The following CTSV variants were observed in gnomAD, a reference collection of about 807,000 sequenced individuals.
CTSV encodes the protein cathepsin L2.
In CTSV, 33 loss-of-function variants were observed where a neutral mutation model predicts 35.6. The observed-to-expected ratio is 0.93, with a 90% CI of 0.70 to 1.24. CTSV has a LOEUF of 1.24. Ranked by LOEUF, CTSV falls within the 50% of genes most tolerant of loss-of-function variation. CTSV has a pLI of 0.00. For missense variants in CTSV, 408 were observed against 413.1 expected (o/e 0.99, Z 0.11); for synonymous variants, 154 against 147.1 (o/e 1.05, Z -0.34).
At chr9:97,036,487 C>T (rs771851251) in intron 5 of CTSV, 36 bp downstream of exon 5, 3 of 1,482,684 alleles carry the variant, frequency 2.0e-6, no homozygotes, top group Non-Finnish European at 2.8e-6. Context: ...TTTCCAAAAG[C>T]AGAGCACGAA....
rs747387024 is a variant in CTSV, at chr9:97,038,013, A to C, written c.31T>G (p.Cys11Gly). The change falls in exon 2 of 8, where the codon TGC (cysteine) becomes GGC (glycine). Residue 11 changes from cysteine (C) to glycine (G), a missense_variant. Transcript: ENST00000259470. Reference sequence around the variant, plus strand: ...GGAACAGCGGAGGCTATTCCCAAGCAAAAGGCAGCCAGGACGAGCGAAAGA... The same window carrying C: ...GGAACAGCGGAGGCTATTCCCAAGCCAAAGGCAGCCAGGACGAGCGAAAGA... MNLSLVLAAFCLGIASAVPKF... is the reference protein window; with the variant it reads MNLSLVLAAFGLGIASAVPKF... The C allele has an allele frequency of 8.7e-6, 14 of 1,613,980 alleles. No individual in the cohort carries two copies. Among genetic ancestry groups the C allele is most frequent in the Non-Finnish European group, 1.2e-5 (14 of 1,179,882 alleles).
Position 97,036,730 on chromosome 9 carries a change from A to G in CTSV, c.414T>C (p.Cys138=). 2 of 1,609,126 alleles carry G rather than the reference A, an allele frequency of 1.2e-6. No homozygotes were observed. The highest frequency in any genetic ancestry group is 1.7e-4 in the Middle Eastern group (1 of 6,036). The change falls in exon 5 of 8, where the codon TGT becomes TGC. Residue 138 remains cysteine (C), a synonymous_variant. Coordinates refer to ENST00000259470, the MANE Select transcript of CTSV (RefSeq NM_001333.4). ...PVKNQKQCGS[C]WAFSATGALE... is the part of the protein sequence containing the mutation. ...GAGCACCAGTCGCACTAAAAGCCCA[A>G]CAAGAACCACACTGTTTCTAAAAAG...
rs1162274838 is a variant in CTSV at position 97,032,351 on chromosome 9, T to TCA, written c.*596_*597dup. 1 of 152,104 alleles carries TCA rather than the reference T, an allele frequency of 6.6e-6. No individual in the cohort carries two copies. The highest frequency in any genetic ancestry group is 1.5e-5 in the Non-Finnish European group (1 of 68,062). The allele number at this position is 152,104 out of a possible 1,614,324, so 9.4% of individuals were successfully genotyped here. ...AGGCAGAGGTTGCAGTGAGCTGAGA[T>TCA]CACACTACTGCACTCCAGCCTTGGT... On this transcript the variant is annotated 3_prime_UTR_variant, in exon 8 of 8. Transcript: ENST00000259470.
chr9:97,035,566 A>G lies in CTSV; in HGVS notation c.749T>C (p.Met250Thr). The G allele has an allele frequency of 1.3e-6, 2 of 1,586,358 alleles. No homozygotes were observed. Among genetic ancestry groups the G allele is most frequent in the Non-Finnish European group, 1.7e-6 (2 of 1,163,982 alleles). The stretch of plus-strand genomic sequence containing the variant: ...CTGGAAGGACGAATGGCCTGCATCC[A>G]TAGCAACGGAGATGGGCCCCACAGT... ...VATVGPISVA[M>T]DAGHSSFQFY... The change falls in exon 6 of 8, where the codon ATG becomes ACG. Residue 250 changes from methionine to threonine, a missense_variant. Met to Thr is a moderately conservative substitution (Grantham distance 81, BLOSUM62 -1). Transcript: ENST00000259470.
Position 97,029,926 on chromosome 9 carries a change from T to C in CTSV, c.*3023A>G, listed in dbSNP as rs10123754. On this transcript the variant is annotated 3_prime_UTR_variant, in exon 8 of 8. Transcript: ENST00000259470. ...GTACAGTACTCAGCACAGTGATGTGTTGCACAGGTGCGTAGCTTAGGAGCA... is the reference window on the plus strand; with the variant it reads ...GTACAGTACTCAGCACAGTGATGTGCTGCACAGGTGCGTAGCTTAGGAGCA... The C allele has an allele frequency of 0.26, 39,722 of 152,132 alleles. 7,244 individuals carry two copies. The highest frequency in any genetic ancestry group is 0.5 in the African/African-American group (20,611 of 41,478). The allele number at this position is 152,132 out of a possible 1,614,324, so 9.4% of individuals were successfully genotyped here. A position where few individuals can be genotyped will look rare whatever the true frequency, so the allele number is the denominator to read the frequency against.
At chr9:97,034,429 G>A (rs1564074235) in intron 7 of CTSV, among the ~76,000 whole-genome samples, 2 of 152,090 alleles carry the variant, frequency 1.3e-5, no homozygotes, top group Admixed American at 1.3e-4. Flanking sequence ...TGAAAAATTA[G>A]ACAGAAAAAA....
In CTSV at chr9:97,032,686, G is replaced by C. The variant is rs192537216; in HGVS notation, c.*263C>G. On this transcript the variant is annotated 3_prime_UTR_variant, in exon 8 of 8. Coordinates refer to ENST00000259470, the MANE Select transcript of CTSV (RefSeq NM_001333.4). ...TACGAATTAAAATTTATTTCAAACT[G>C]TTTTGTACATCTTTTTAAAAAATGA... 4.9e-3 allele frequency: 1,664 copies of C among 336,964 alleles called. 8 individuals carry two copies. Among genetic ancestry groups the C allele is most frequent in the Non-Finnish European group, 6.7e-3 (1,265 of 188,282 alleles). 20.9% of individuals were successfully genotyped at this position (336,964 alleles called of 1,614,324 possible).
rs779033155 is a variant in CTSV at position 97,037,915 on chromosome 9, A to G, written c.126+3T>C. On this transcript the variant is annotated splice_donor_region_variant and intron_variant, in intron 2 of 7. Transcript: ENST00000259470. ...CCTCTGGACAGTTTCAGATGTTACC[A>G]ACCGCGCCATATAATCTTCTGTGTG... 5 of 1,613,822 alleles carry G rather than the reference A, an allele frequency of 3.1e-6. No homozygotes were observed. The African/African-American group carries it at 5.3e-5, about 17-fold the overall frequency.
intron 7 of CTSV, among the ~76,000 whole-genome samples, chr9:97,034,301 G>A (rs1412907041): frequency 1.3e-5 from 2 of 152,126 alleles, no homozygotes; most frequent in Non-Finnish European, 2.9e-5. Context: ...AGTGAAATTC[G>A]ATGACAGGGC....
chr9:97,037,992 C>G lies in CTSV; in HGVS notation c.52G>C (p.Val18Leu), dbSNP rs535271086. 1 of 1,613,964 alleles carries G rather than the reference C, an allele frequency of 6.2e-7. No homozygotes were observed. Among genetic ancestry groups the G allele is most frequent in the Non-Finnish European group, 8.5e-7 (1 of 1,180,012 alleles). ...AAFCLGIASAVPKFDQNLDTK... is the reference protein window; with the variant it reads ...AAFCLGIASALPKFDQNLDTK... ...TCCAAATTTTGGTCAAATTTTGGAA[C>G]AGCGGAGGCTATTCCCAAGCAAAAG... Residue 18 changes from valine to leucine, a missense_variant, in exon 2 of 8, where the codon GTT becomes CTT. Val to Leu is a conservative substitution (Grantham distance 32). Coordinates refer to ENST00000259470, the MANE Select transcript of CTSV (RefSeq NM_001333.4).
upstream of CTSV, chr9:97,039,428 G>C (rs1180796110): frequency 6.6e-6 from 1 of 152,290 alleles, no homozygotes; most frequent in African/African-American, 2.4e-5. Flanking sequence ...TGCGCTGAGC[G>C]GGTGGTTTAC....
intron 5 of CTSV, among the ~76,000 whole-genome samples, chr9:97,036,073 ATTT>A (rs35372861): frequency 2.1e-5 from 3 of 144,134 alleles, no homozygotes; most frequent in Admixed American, 6.9e-5. Flanking sequence ...AAGGCTAATA[ATTT>A]TTTTTTTTTT....
chr9:97,033,479 C>T (rs916495315), intron 7 of CTSV, among the ~76,000 whole-genome samples: 6 of 150,954 alleles, frequency 4.0e-5, no homozygotes, highest in African/African-American at 1.2e-4. Flanking sequence ...AAAAATTAAC[C>T]GGGCATGTAA....
At position 97,031,743 on chromosome 9, in the gene CTSV, C is replaced by T. The variant is rs1003999298; in HGVS notation, c.*1206G>A. 8 of 152,220 alleles carry T rather than the reference C, an allele frequency of 5.3e-5. No homozygotes were observed. Among genetic ancestry groups the T allele is most frequent in the Non-Finnish European group, 7.3e-5 (5 of 68,046 alleles). The allele number at this position is 152,220 out of a possible 1,614,324, so 9.4% of individuals were successfully genotyped here. A position where few individuals can be genotyped will look rare whatever the true frequency, so the allele number is the denominator to read the frequency against. ...TCACTTGTGATCTCTTATCCATCTT[C>T]GGCCAGAGGCCTCTTTTTGTAGCCC... On this transcript the variant is annotated 3_prime_UTR_variant, in exon 8 of 8. Transcript: ENST00000259470.
intron 4 of CTSV, 86 bp downstream of exon 4, chr9:97,037,166 G>T: frequency 7.1e-7 from 1 of 1,407,782 alleles, no homozygotes; most frequent in Non-Finnish European, 9.7e-7. Context: ...ATCACCATAT[G>T]TTGTGCCACC....
In CTSV at chr9:97,036,732, A is replaced by G. The variant is rs1828858759; in HGVS notation, c.412T>C (p.Cys138Arg). The G allele has an allele frequency of 1.2e-6, 2 of 1,609,266 alleles. No individual in the cohort carries two copies. Among genetic ancestry groups the G allele is most frequent in the South Asian group, 2.2e-5 (2 of 90,172 alleles). Residue 138 changes from cysteine to arginine, a missense_variant, in exon 5 of 8, where the codon TGT becomes CGT. Cys to Arg is a radical substitution (Grantham distance 180, BLOSUM62 -3). Coordinates refer to ENST00000259470, the MANE Select transcript of CTSV (RefSeq NM_001333.4). ...GCACCAGTCGCACTAAAAGCCCAAC[A>G]AGAACCACACTGTTTCTAAAAAGGG... is the stretch of plus-strand genomic sequence containing the variant. ...PVKNQKQCGS[C>R]WAFSATGALE...
rs1444910784 is a variant in CTSV, at chr9:97,032,299, TGAGGCAGAGAATTGCTTAAACCCGG to T, written c.*625_*649del. The T allele has an allele frequency of 2.0e-5, 3 of 152,360 alleles. No homozygotes were observed. The highest frequency in any genetic ancestry group is 4.8e-5 in the African/African-American group (2 of 41,428). The allele number at this position is 152,360 out of a possible 1,614,324, so 9.4% of individuals were successfully genotyped here. A position where few individuals can be genotyped will look rare whatever the true frequency, so the allele number is the denominator to read the frequency against. Reference sequence around the variant, plus strand: ...CTGTAATCCCAGCTACTCGGGAGGCTGAGGCAGAGAATTGCTTAAACCCGGGAGGCAGAGGTTGCAGTGAGCTGAG... The same window carrying T: ...CTGTAATCCCAGCTACTCGGGAGGCTGAGGCAGAGGTTGCAGTGAGCTGAG... On this transcript the variant is annotated 3_prime_UTR_variant, in exon 8 of 8. Coordinates refer to ENST00000259470, the MANE Select transcript of CTSV (RefSeq NM_001333.4).
At position 97,035,610 on chromosome 9, in the gene CTSV, G is replaced by A. The variant is rs1828833884; in HGVS notation, c.705C>T (p.Ala235=). 1 of 1,605,492 alleles carries A rather than the reference G, an allele frequency of 6.2e-7. No homozygotes were observed. The highest frequency in any genetic ancestry group is 8.5e-7 in the Non-Finnish European group (1 of 1,175,244). The change falls in exon 6 of 8, where the codon GCC becomes GCT. Residue 235 remains alanine (A), a synonymous_variant. Transcript: ENST00000259470. ...CCACAGTTGCGACTGCTTTCATCAG[G>A]GCCTTCTCCTTTCCAGGTGCGACCA... ...FTVVAPGKEK[A]LMKAVATVGP...
At position 97,036,564 on chromosome 9, in the gene CTSV, C is replaced by T. The variant is rs767753928; in HGVS notation, c.580G>A (p.Gly194Arg). 1.9e-5 allele frequency: 30 copies of T among 1,614,074 alleles called. No homozygotes were observed. Among genetic ancestry groups the T allele is most frequent in the Middle Eastern group, 1.6e-4 (1 of 6,062 alleles). ...TAGGATTCCTCAGAGTCCAGGCCTC[C>T]GTTCTCCTTGACATACTGGAAGGCC... ...ARAFQYVKEN[G>R]GLDSEESYPY... Residue 194 changes from glycine to arginine, a missense_variant, in exon 5 of 8, where the codon GGA (glycine) becomes AGA (arginine). Physicochemically the swap from Gly to Arg is moderately radical, Grantham distance 125. Coordinates refer to ENST00000259470, the MANE Select transcript of CTSV (RefSeq NM_001333.4).
Sources: allele counts gnomAD v4.1 joint callset (sites outside exome capture counted in the v4.1 genomes callset), GRCh38; gene constraint gnomAD v4.1.1; transcripts MANE v1.5; gene names NCBI Gene and HGNC (gene_info 2026-07-23, HGNC 2026-07-21).